ZEB2: variants seen among roughly 807,000 people sequenced by gnomAD.
The protein encoded by ZEB2 is zinc finger E-box binding homeobox 2, also known as zinc finger E-box-binding homeobox 2.
A neutral mutation model predicts 99.9 loss-of-function variants in ZEB2; 6 were observed. The observed-to-expected ratio is 0.06, with a 90% confidence interval of 0.03 to 0.12. ZEB2 has a LOEUF of 0.12. Ranked by LOEUF, ZEB2 falls within the 10% of genes least tolerant of loss-of-function variation. The pLI is 1.00. For missense variants in ZEB2, 969 were observed against 1,502.8 expected (o/e 0.64, Z 5.87); for synonymous variants, 517 against 542.5 (o/e 0.95, Z 0.65).
intron 2 of ZEB2, among the ~76,000 whole-genome samples, chr2:144,481,774 T>C (rs906257704): frequency 6.6e-6 from 1 of 152,234 alleles, no homozygotes; most frequent in Non-Finnish European, 1.5e-5. Flanking sequence ...ATATGCATTA[T>C]GAATTTGTTG....
At chr2:144,427,937 C>T (rs180825565) in intron 3 of ZEB2, 2 of 152,298 alleles carry the variant, frequency 1.3e-5, no homozygotes, top group East Asian at 1.9e-4. Context: ...TATATTAAAA[C>T]GTTTAGAATT....
At chr2:144,434,764 A>C (rs2149893306) in intron 2 of ZEB2, among the ~76,000 whole-genome samples, 1 of 152,312 alleles carries the variant, frequency 6.6e-6, no homozygotes, top group Middle Eastern at 3.4e-3. Context: ...CCAGAATCTA[A>C]CAATACACCC....
At chr2:144,464,569 T>C (rs6761172) in intron 2 of ZEB2, among the ~76,000 whole-genome samples, 3,047 of 152,294 alleles carry the variant, frequency 0.02, 118 homozygotes, top group African/African-American at 0.066. Flanking sequence ...CTAATGGTTT[T>C]TTTTAATTTG....
At chr2:144,393,970 G>A (rs1412784303) in intron 9 of ZEB2, among the ~76,000 whole-genome samples, 2 of 152,216 alleles carry the variant, frequency 1.3e-5, no homozygotes, top group African/African-American at 4.8e-5. Flanking sequence ...CGGCCAGGCT[G>A]GAGTGCAGTG....
At chr2:144,482,254 C>G (rs1704523702) in intron 2 of ZEB2, 1 of 152,266 alleles carries the variant, frequency 6.6e-6, no homozygotes, top group Admixed American at 6.5e-5. Flanking sequence ...CCGTCTTCAT[C>G]ACTGCAGTGT....
At chr2:144,512,595 AT>A (rs1391141583) in intron 2 of ZEB2, 2 of 1,287,096 alleles carry the variant, frequency 1.6e-6, no homozygotes, top group African/African-American at 3.0e-5. Flanking sequence ...ACGTGAATTT[AT>A]TTGTATCTGG....
intron 4 of ZEB2, among the ~76,000 whole-genome samples, chr2:144,414,065 C>T (rs561479105): frequency 3.2e-4 from 49 of 152,322 alleles, no homozygotes; most frequent in African/African-American, 1.2e-3. Flanking sequence ...AGGGGAGTTA[C>T]ACCTGGCACC....
At chr2:144,406,461 T>C (rs756579432) in intron 4 of ZEB2, among the ~76,000 whole-genome samples, 1 of 152,008 alleles carries the variant, frequency 6.6e-6, no homozygotes, top group Non-Finnish European at 1.5e-5. Context: ...TGATGGCAGC[T>C]AGAAGATCAG....
intron 8 of ZEB2, chr2:144,398,062 C>G (rs1660210937): frequency 2.3e-6 from 1 of 438,390 alleles, no homozygotes; most frequent in Non-Finnish European, 4.2e-6. Context: ...CTAAATACAT[C>G]TCAAAATAAA....
chr2:144,450,751 C>A (rs1348800536), intron 2 of ZEB2, among the ~76,000 whole-genome samples: 1 of 152,224 alleles, frequency 6.6e-6, no homozygotes, highest in Non-Finnish European at 1.5e-5. Context: ...CCTTGGTTCA[C>A]TGCAACCTCC....
At chr2:144,519,391 C>G in intron 1 of ZEB2, 1 of 152,514 alleles carries the variant, frequency 6.6e-6, no homozygotes, top group Non-Finnish European at 1.5e-5. Context: ...CAAAAACAGA[C>G]AACTTTCTGC....
intron 2 of ZEB2, among the ~76,000 whole-genome samples, chr2:144,473,612 T>C (rs970492566): frequency 1.3e-5 from 2 of 152,130 alleles, no homozygotes; most frequent in East Asian, 3.9e-4. Context: ...TGCAGGAATC[T>C]GATGAGGCGG....
Position 144,476,768 on chromosome 2 carries a change from T to C in ZEB2, c.73+40510A>G, listed in dbSNP as rs141606696. On this transcript the variant is annotated intron_variant, in intron 2 of 9. Coordinates refer to ENST00000627532, the MANE Select transcript of ZEB2 (RefSeq NM_014795.4). ...CCCAAAGTTCTACAATTTTATGTAC[T>C]GAAAATAAACATTCCTTACTATGTT... is the stretch of plus-strand genomic sequence containing the variant. Among the ~76,000 whole-genome samples the C allele has an allele frequency of 2.6e-5, 4 of 152,332 alleles. No homozygotes were observed. In the East Asian group the frequency reaches 7.7e-4, roughly 29 times the overall value.
intron 2 of ZEB2, among the ~76,000 whole-genome samples, chr2:144,441,088 G>T (rs961662178): frequency 1.4e-5 from 2 of 146,584 alleles, no homozygotes; most frequent in African/African-American, 5.1e-5. Flanking sequence ...GGACACCACA[G>T]CGCCTAACTC....
intron 2 of ZEB2, chr2:144,513,885 C>T (rs759659807): frequency 6.6e-7 from 1 of 1,518,916 alleles, no homozygotes; most frequent in Admixed American, 2.0e-5. Flanking sequence ...GAAAGTGTTA[C>T]AAAGTGAGTC....
Position 144,401,298 on chromosome 2 carries a change from G to C in ZEB2, c.817C>G (p.Leu273Val). The change falls in exon 7 of 10, where the codon CTA becomes GTA. Residue 273 changes from leucine (L) to valine (V), a missense_variant. Physicochemically the swap from Leu to Val is conservative, Grantham distance 32. Coordinates refer to ENST00000627532, the MANE Select transcript of ZEB2 (RefSeq NM_014795.4). The stretch of plus-strand genomic sequence containing the variant: ...TTGCGATTACCTGCTCCTTGGGTTA[G>C]CATTTGGTGCTATAAAAGGAGAAAG... ...HKPGTDQHQM[L>V]TQGAGNRKFK... is the part of the protein sequence containing the mutation. 1.9e-6 allele frequency: 3 copies of C among 1,614,052 alleles called. No homozygotes were observed. The highest frequency in any genetic ancestry group is 2.5e-6 in the Non-Finnish European group (3 of 1,179,918).
intron 4 of ZEB2, among the ~76,000 whole-genome samples, chr2:144,420,952 A>G (rs1287068712): frequency 6.6e-6 from 1 of 152,202 alleles, no homozygotes; most frequent in Non-Finnish European, 1.5e-5. Flanking sequence ...GGGAATTTGG[A>G]CATTGAGGAA....
intron 2 of ZEB2, chr2:144,513,667 G>C: frequency 6.5e-7 from 1 of 1,535,066 alleles, no homozygotes; most frequent in Non-Finnish European, 8.7e-7. Context: ...GAGGGAAGCA[G>C]GAGCATCCCA....
In ZEB2 at chr2:144,424,386, T is replaced by A. The variant is rs753538484; in HGVS notation, c.403+410A>T. ...GAAATTTGTCTTTCTGAAAAAAAAA[T>A]TTTACAGTCTAAATTACACCTTATC... On this transcript the variant is annotated intron_variant, in intron 4 of 9. Coordinates refer to ENST00000627532, the MANE Select transcript of ZEB2 (RefSeq NM_014795.4). 19 of 518,876 alleles carry A rather than the reference T, an allele frequency of 3.7e-5. 1 individual carries two copies. The Middle Eastern group carries it at 9.6e-4, about 26-fold the overall frequency. 32.1% of individuals were successfully genotyped at this position (518,876 alleles called of 1,614,324 possible). A position where few individuals can be genotyped will look rare whatever the true frequency, so the allele number is the denominator to read the frequency against.
Sources: allele counts gnomAD v4.1 joint callset (sites outside exome capture counted in the v4.1 genomes callset), GRCh38; gene constraint gnomAD v4.1.1; transcripts MANE v1.5; gene names NCBI Gene and HGNC (gene_info 2026-07-23, HGNC 2026-07-21).